The following MSH4 variants were observed in gnomAD, a reference collection of about 807,000 sequenced individuals.
MSH4 encodes mutS homolog 4.
A neutral mutation model predicts 113.7 loss-of-function variants in MSH4; 106 were observed. The observed-to-expected ratio is 0.93, with a 90% CI of 0.80 to 1.10. MSH4 has a LOEUF of 1.10. Ranked by LOEUF, MSH4 falls within the 50% of genes least tolerant of loss-of-function variation. The pLI, the probability that MSH4 is intolerant of heterozygous loss-of-function variation, is 0.00. For missense variants in MSH4, 1,061 were observed against 1,093.7 expected (o/e 0.97, Z 0.42); for synonymous variants, 368 against 380.2 (o/e 0.97, Z 0.37).
At chr1:75,887,066 T>C (rs1187522726) in intron 15 of MSH4, among the ~76,000 whole-genome samples, 1 of 151,936 alleles carries the variant, frequency 6.6e-6, no homozygotes, top group Non-Finnish European at 1.5e-5. Context: ...ATAAATCCTT[T>C]ACCTTAGTCT....
Position 75,845,177 on chromosome 1 carries a change from A to G in MSH4, c.1163-3032A>G, listed in dbSNP as rs544175790. ...GCATGAACTTTGGGGACACATTCAA[A>G]CCATAGCACTCTGCTCCTGGCTCCC... is the stretch of plus-strand genomic sequence containing the variant. On this transcript the variant is annotated intron_variant, in intron 7 of 19. Coordinates refer to ENST00000263187, the MANE Select transcript of MSH4 (RefSeq NM_002440.4). Among the ~76,000 whole-genome samples, 6 of 152,262 alleles carry G rather than the reference A, an allele frequency of 3.9e-5. No individual in the cohort carries two copies. The South Asian group carries it at 6.2e-4, about 16-fold the overall frequency.
At chr1:75,907,689 C>CATATATATCTATAT (rs1652694537) in intron 19 of MSH4, among the ~76,000 whole-genome samples, 1 of 78,622 alleles carries the variant, frequency 1.3e-5, no homozygotes, top group Non-Finnish European at 2.3e-5. Flanking sequence ...TCTCTCTATA[C>CATATATATCTATAT]ATATATATAT....
Position 75,874,906 on chromosome 1 carries a change from T to G in MSH4, c.1306-2030T>G, listed in dbSNP as rs531313653. Among the ~76,000 whole-genome samples the G allele has an allele frequency of 2.4e-4, 36 of 152,278 alleles. 1 individual carries two copies. The East Asian group carries it at 6.8e-3, about 29-fold the overall frequency. ...TTAAAGTTTGTATTTATTTATTTAT[T>G]ATTTGAGATGGGGTCTCACTCTGTC... On this transcript the variant is annotated intron_variant, in intron 9 of 19. Coordinates refer to ENST00000263187, the MANE Select transcript of MSH4 (RefSeq NM_002440.4).
intron 19 of MSH4, among the ~76,000 whole-genome samples, chr1:75,910,520 G>A (rs1652766676): frequency 2.0e-5 from 3 of 150,858 alleles, no homozygotes; most frequent in African/African-American, 4.9e-5. Flanking sequence ...CATTCCACCC[G>A]CCTCTTCCTC....
intron 5 of MSH4, among the ~76,000 whole-genome samples, chr1:75,815,984 G>A (rs1374935187): frequency 6.6e-6 from 1 of 152,122 alleles, no homozygotes; most frequent in Non-Finnish European, 1.5e-5. Context: ...CCCCAGCCTG[G>A]TTGACAGAGC....
chr1:75,809,459 A>AGGAATG (rs1448601136), intron 3 of MSH4, among the ~76,000 whole-genome samples: 1 of 152,156 alleles, frequency 6.6e-6, no homozygotes, highest in Non-Finnish European at 1.5e-5. Flanking sequence ...TTTAAAAAAA[A>AGGAATG]GGAATGTTAG....
intron 7 of MSH4, among the ~76,000 whole-genome samples, chr1:75,837,573 G>T (rs977979020): frequency 6.6e-6 from 1 of 151,938 alleles, no homozygotes; most frequent in African/African-American, 2.4e-5. Context: ...TTTTAGTAGA[G>T]ATGGGATTTT....
chr1:75,811,780 T>C (rs752056549), intron 4 of MSH4, among the ~76,000 whole-genome samples: 10 of 152,214 alleles, frequency 6.6e-5, no homozygotes, highest in Non-Finnish European at 1.5e-4. Flanking sequence ...GTTTTTAGAC[T>C]TATCTTTTAC....
At chr1:75,830,366 C>A (rs1192079403) in intron 7 of MSH4, among the ~76,000 whole-genome samples, 4 of 152,206 alleles carry the variant, frequency 2.6e-5, no homozygotes, top group Non-Finnish European at 1.5e-5. Context: ...AAACACTCTT[C>A]AGGATATTAT....
chr1:75,837,419 T>C (rs1650856126), intron 7 of MSH4, among the ~76,000 whole-genome samples: 1 of 143,298 alleles, frequency 7.0e-6, no homozygotes, highest in Non-Finnish European at 1.5e-5. Flanking sequence ...GACGGAGTCT[T>C]GCTGTCACCT....
chr1:75,826,188 C>A lies in MSH4; in HGVS notation c.1162+3607C>A, dbSNP rs187012873. On this transcript the variant is annotated intron_variant, in intron 7 of 19. Coordinates refer to ENST00000263187, the MANE Select transcript of MSH4 (RefSeq NM_002440.4). ...AGATTCAACTTCTTCCTGGTTTAGT[C>A]TTGGGAGGGTGTATGTGTCCAGGAA... Among the ~76,000 whole-genome samples the A allele has an allele frequency of 2.9e-3, 435 of 152,216 alleles. 5 individuals are homozygous for A. The highest frequency in any genetic ancestry group is 0.01 in the African/African-American group (421 of 41,534).
intron 8 of MSH4, among the ~76,000 whole-genome samples, chr1:75,866,943 G>A (rs1019335100): frequency 4.6e-5 from 7 of 152,090 alleles, no homozygotes; most frequent in African/African-American, 1.4e-4. Flanking sequence ...ATTCCTCCAG[G>A]TTTGGTAACA....
chr1:75,815,162 T>C, intron 5 of MSH4, 26 bp downstream of exon 5: 1 of 1,249,824 alleles, frequency 8.0e-7, no homozygotes, highest in Non-Finnish European at 1.1e-6. Flanking sequence ...ATTTATTTTT[T>C]TACTAGCCCA....
chr1:75,899,752 T>C (rs1652469063), intron 19 of MSH4, 46 bp downstream of exon 19: 2 of 1,058,166 alleles, frequency 1.9e-6, no homozygotes, highest in Non-Finnish European at 2.6e-6. Flanking sequence ...AAAAAAATAC[T>C]TTTAGTGTAG....
At chr1:75,862,822 G>T (rs1651487323) in intron 8 of MSH4, among the ~76,000 whole-genome samples, 1 of 152,074 alleles carries the variant, frequency 6.6e-6, no homozygotes, top group Non-Finnish European at 1.5e-5. Context: ...GTAAGAAATT[G>T]TTTGCCTAAG....
chr1:75,884,438 G>A (rs532034485), intron 15 of MSH4, among the ~76,000 whole-genome samples: 183 of 152,174 alleles, frequency 1.2e-3, no homozygotes, highest in Non-Finnish European at 1.5e-3. Flanking sequence ...TCAGAGATGA[G>A]ATACTTGGCC....
intron 7 of MSH4, among the ~76,000 whole-genome samples, chr1:75,846,650 C>T (rs1651083465): frequency 6.6e-6 from 1 of 152,194 alleles, no homozygotes; most frequent in Non-Finnish European, 1.5e-5. Context: ...ATATTTCTAC[C>T]AATGTTCTGA....
intron 7 of MSH4, among the ~76,000 whole-genome samples, chr1:75,831,327 C>A (rs1345932679): frequency 2.0e-5 from 3 of 152,132 alleles, no homozygotes; most frequent in Admixed American, 6.5e-5. Context: ...TAGACTCCCA[C>A]ACAATAATAG....
chr1:75,815,494 G>A (rs1224660522), intron 5 of MSH4, among the ~76,000 whole-genome samples: 1 of 152,106 alleles, frequency 6.6e-6, no homozygotes, highest in Non-Finnish European at 1.5e-5. Flanking sequence ...GAAATGTGAG[G>A]GCATAGGAGT....
Sources: gnomAD v4.1 joint callset for allele counts (sites outside exome capture counted in the v4.1 genomes callset) on GRCh38, gnomAD v4.1.1 for gene constraint, MANE v1.5 for transcripts, NCBI Gene and HGNC (gene_info 2026-07-23, HGNC 2026-07-21) for gene names.